The following FMNL2 variants were observed in gnomAD, a reference collection of about 807,000 sequenced individuals.
FMNL2 encodes formin-like protein 2.
FMNL2 carries 51 observed loss-of-function variants against 130.2 expected under a neutral mutation model. That is an observed-to-expected ratio of 0.39 (90% CI 0.31 to 0.49). FMNL2 has a LOEUF of 0.49. FMNL2 is among the 20% of genes least tolerant of loss of function. The probability of loss-of-function intolerance (pLI) is 0.85; values close to 1 mark genes in which losing one functional copy is unlikely to be tolerated. For missense variants in FMNL2, 977 were observed against 1,316.2 expected, an observed-to-expected ratio of 0.74 and a Z score of 3.99; for synonymous variants, 465 against 467.1, an observed-to-expected ratio of 1.00 and a Z score of 0.06.
chr2:152,562,427 A>G (rs774055973), intron 6 of FMNL2, among the ~76,000 whole-genome samples: 9 of 152,098 alleles, frequency 5.9e-5, no homozygotes, highest in Non-Finnish European at 1.3e-4. Context: ...AGACCTTTGG[A>G]TTTGGTTGTC....
intron 1 of FMNL2, among the ~76,000 whole-genome samples, chr2:152,366,492 A>AAG (rs61437756): frequency 1.2e-4 from 19 of 152,114 alleles, no homozygotes; most frequent in East Asian, 3.9e-4. Context: ...AACAACAAAA[A>AAG]GAATGAGAAC....
At chr2:152,419,087 G>A (rs1686771581) in intron 1 of FMNL2, among the ~76,000 whole-genome samples, 1 of 151,470 alleles carries the variant, frequency 6.6e-6, no homozygotes, top group South Asian at 2.1e-4. Flanking sequence ...TAAACAGAGT[G>A]TACTTATTTT....
intron 1 of FMNL2, among the ~76,000 whole-genome samples, chr2:152,335,930 G>A (rs1681394429): frequency 6.6e-6 from 1 of 151,758 alleles, no homozygotes; most frequent in African/African-American, 2.4e-5. Context: ...CCGGGATGGG[G>A]ATGGGGGCTC....
At position 152,552,259 on chromosome 2, in the gene FMNL2, T is replaced by G. The variant is rs56094404; in HGVS notation, c.359+3162T>G. Among the ~76,000 whole-genome samples, 457 of 152,320 alleles carry G rather than the reference T, an allele frequency of 3.0e-3. 2 individuals carry two copies. Among genetic ancestry groups the G allele is most frequent in the Middle Eastern group, 6.8e-3 (2 of 294 alleles). ...TGTTTGTTATGCTTGTTGCAAATAATTACCTGCAGTATTCAACAGTATTAT... is the reference window on the plus strand; with the variant it reads ...TGTTTGTTATGCTTGTTGCAAATAAGTACCTGCAGTATTCAACAGTATTAT... On this transcript the variant is annotated intron_variant, in intron 4 of 25. Coordinates refer to ENST00000288670, the MANE Select transcript of FMNL2 (RefSeq NM_052905.4).
intron 1 of FMNL2, among the ~76,000 whole-genome samples, chr2:152,348,822 T>TAAATAAATGAGACAAATAGGGCATGAGAC (rs1560285983): frequency 2.7e-5 from 3 of 109,798 alleles, no homozygotes; most frequent in African/African-American, 4.0e-5. Flanking sequence ...CTAAGGGTTT[T>TAAATAAATGAGACAAATAGGGCATGAGAC]TTTTTTTTTT....
intron 1 of FMNL2, among the ~76,000 whole-genome samples, chr2:152,400,106 T>C (rs1047102444): frequency 3.9e-4 from 59 of 152,108 alleles, no homozygotes; most frequent in African/African-American, 1.4e-3. Flanking sequence ...TGGATAGAGA[T>C]TGGAGATGGC....
At chr2:152,441,406 G>A (rs922815611) in intron 1 of FMNL2, among the ~76,000 whole-genome samples, 1 of 152,196 alleles carries the variant, frequency 6.6e-6, no homozygotes, top group Non-Finnish European at 1.5e-5. Context: ...GAGTGGTAGT[G>A]CATGCATGTA....
intron 2 of FMNL2, among the ~76,000 whole-genome samples, chr2:152,527,159 C>T (rs1055328587): frequency 2.6e-5 from 4 of 152,076 alleles, no homozygotes; most frequent in Non-Finnish European, 5.9e-5. Context: ...TGCCTTAGCT[C>T]CTGAGTTTCC....
chr2:152,628,274 C>T (rs754627987), intron 17 of FMNL2, 25 bp from the exon 18 acceptor site: 14 of 1,601,608 alleles, frequency 8.7e-6, no homozygotes, highest in East Asian at 4.5e-5. Context: ...CTCTCTAATG[C>T]TAATCTCTCC....
chr2:152,591,695 A>G (rs563663935), intron 9 of FMNL2, among the ~76,000 whole-genome samples: 25 of 152,298 alleles, frequency 1.6e-4, no homozygotes, highest in Non-Finnish European at 3.5e-4. Flanking sequence ...GGTCCCCGGT[A>G]CTCAGGAGGC....
intron 1 of FMNL2, among the ~76,000 whole-genome samples, chr2:152,348,175 G>T (rs1476797580): frequency 1.3e-5 from 2 of 152,152 alleles, no homozygotes; most frequent in African/African-American, 4.8e-5. Flanking sequence ...TCGCTTTGTG[G>T]TATGAATTAT....
At chr2:152,414,741 C>G (rs1686511960) in intron 1 of FMNL2, among the ~76,000 whole-genome samples, 1 of 152,218 alleles carries the variant, frequency 6.6e-6, no homozygotes, top group Non-Finnish European at 1.5e-5. Context: ...CTTTACAACT[C>G]TGCACCTTCT....
chr2:152,510,977 T>G (rs1321085825), intron 1 of FMNL2, among the ~76,000 whole-genome samples: 1 of 152,204 alleles, frequency 6.6e-6, no homozygotes, highest in Non-Finnish European at 1.5e-5. Context: ...GAGTTGATAG[T>G]TTTATTTTTA....
chr2:152,529,916 C>T (rs924781145), intron 2 of FMNL2, among the ~76,000 whole-genome samples: 3 of 152,002 alleles, frequency 2.0e-5, no homozygotes, highest in African/African-American at 4.8e-5. Flanking sequence ...GGCTTAGTCT[C>T]GTTTGAAATG....
chr2:152,582,503 T>C (rs1237376395), intron 9 of FMNL2, among the ~76,000 whole-genome samples: 1 of 152,190 alleles, frequency 6.6e-6, no homozygotes, highest in Non-Finnish European at 1.5e-5. Flanking sequence ...TCTTTTTTTT[T>C]CTTTCTATTG....
At chr2:152,524,361 G>T (rs567225035) in intron 2 of FMNL2, among the ~76,000 whole-genome samples, 1 of 152,208 alleles carries the variant, frequency 6.6e-6, no homozygotes, top group South Asian at 2.1e-4. Context: ...GCTTCTAGTG[G>T]GTCTCAAAGG....
At chr2:152,622,102 A>T (rs903532336) in intron 15 of FMNL2, among the ~76,000 whole-genome samples, 4 of 152,178 alleles carry the variant, frequency 2.6e-5, no homozygotes, top group Non-Finnish European at 5.9e-5. Context: ...CAAGTCTGTG[A>T]TAGAACAACC....
rs578158647 is a variant in FMNL2 at position 152,574,147 on chromosome 2, C to T, written c.597-989C>T. Among the ~76,000 whole-genome samples, 6 of 152,154 alleles carry T rather than the reference C, an allele frequency of 3.9e-5. No homozygotes were observed. In the South Asian group the frequency reaches 1.0e-3, roughly 26 times the overall value. On this transcript the variant is annotated intron_variant, in intron 6 of 25. Coordinates refer to ENST00000288670, the MANE Select transcript of FMNL2 (RefSeq NM_052905.4). ...ACATTACTTTACACCTCTTAAGAAA[C>T]ACAAATAAGGCTGGGCACGGTGGCT...
At chr2:152,621,465 G>A (rs1320969850) in intron 15 of FMNL2, among the ~76,000 whole-genome samples, 1 of 152,090 alleles carries the variant, frequency 6.6e-6, no homozygotes, top group Admixed American at 6.5e-5. Flanking sequence ...ATATTTTAAG[G>A]TGTAGAGCTC....
Sources: allele counts gnomAD v4.1 joint callset (sites outside exome capture counted in the v4.1 genomes callset), GRCh38; gene constraint gnomAD v4.1.1; transcripts MANE v1.5; gene names NCBI Gene and HGNC (gene_info 2026-07-23, HGNC 2026-07-21).